ARFGEF3: variants seen among roughly 807,000 people sequenced by gnomAD.
The protein encoded by ARFGEF3 is brefeldin A-inhibited guanine nucleotide-exchange protein 3.
ARFGEF3 carries 96 observed loss-of-function variants against 221.7 expected under a neutral mutation model. That is an observed-to-expected ratio of 0.43 (90% CI 0.37 to 0.51). The LOEUF (loss-of-function observed/expected upper bound fraction) is 0.51. ARFGEF3 is among the 20% of genes least tolerant of loss of function. The pLI, the probability that ARFGEF3 is intolerant of heterozygous loss-of-function variation, is 0.00. For missense variants in ARFGEF3, 2,410 were observed against 2,789.9 expected, an observed-to-expected ratio of 0.86 and a Z score of 3.07; for synonymous variants, 1,145 against 1,126.8, an observed-to-expected ratio of 1.02 and a Z score of -0.32.
intron 33 of ARFGEF3, among the ~76,000 whole-genome samples, chr6:138,335,544 C>CAAA (rs113813772): frequency 7.9e-6 from 1 of 126,958 alleles, no homozygotes; most frequent in Non-Finnish European, 1.8e-5. Context: ...ATCATCTCTA[C>CAAA]AAAAAAAAAA....
At chr6:138,254,188 A>G (rs730921) in intron 9 of ARFGEF3, among the ~76,000 whole-genome samples, 34,476 of 151,888 alleles carry the variant, frequency 0.23, 6,406 homozygotes, top group African/African-American at 0.5. Flanking sequence ...AGGCCGAGGC[A>G]GGCATATTGC....
intron 23 of ARFGEF3, 64 bp downstream of exon 23, chr6:138,307,461 T>TA (rs34359396): frequency 0.053 from 64,159 of 1,204,762 alleles, 86 homozygotes; most frequent in South Asian, 0.06. Flanking sequence ...TTCATGCTAT[T>TA]AAAAAAAAAA....
chr6:138,193,297 T>C (rs1228815727), intron 2 of ARFGEF3, among the ~76,000 whole-genome samples: 2 of 152,222 alleles, frequency 1.3e-5, no homozygotes, highest in Non-Finnish European at 2.9e-5. Flanking sequence ...ATCACCTTTT[T>C]ATGAAGACAC....
At chr6:138,210,165 T>C (rs1416528925) in intron 4 of ARFGEF3, 124 bp downstream of exon 4, 2 of 926,826 alleles carry the variant, frequency 2.2e-6, no homozygotes, top group Non-Finnish European at 3.2e-6. Flanking sequence ...TTGGAACGGA[T>C]GCTTGTTATT....
chr6:138,247,195 C>T (rs1269395120), intron 8 of ARFGEF3, among the ~76,000 whole-genome samples: 1 of 152,110 alleles, frequency 6.6e-6, no homozygotes, highest in Non-Finnish European at 1.5e-5. Context: ...TAAATAGTTC[C>T]TGCTGTACCC....
intron 12 of ARFGEF3, among the ~76,000 whole-genome samples, chr6:138,267,349 C>A (rs1243372805): frequency 6.6e-6 from 1 of 152,092 alleles, no homozygotes; most frequent in Non-Finnish European, 1.5e-5. Context: ...CTCTTGAACC[C>A]AGGAGGCGGA....
chr6:138,299,198 TAAAAAAAAAAAAAA>T lies in ARFGEF3; in HGVS notation c.3828+426_3828+439del, dbSNP rs60475752. Among the ~76,000 whole-genome samples, 75 of 39,446 alleles carry T rather than the reference TAAAAAAAAAAAAAA, an allele frequency of 1.9e-3. 2 individuals are homozygous for T. Among genetic ancestry groups the T allele is most frequent in the African/African-American group, 4.3e-3 (67 of 15,618 alleles). The allele number at this position is 39,446 out of a possible 152,430, so 25.9% of individuals were successfully genotyped here. A position where few individuals can be genotyped will look rare whatever the true frequency, so the allele number is the denominator to read the frequency against. ...GCCTGAGTGACAGAGCGAGACTCTG[TAAAAAAAAAAAAAA>T]AAAAAAAAAAAACAGAAAAGTTAAG... On this transcript the variant is annotated intron_variant, in intron 22 of 33. Transcript: ENST00000251691.
intron 12 of ARFGEF3, among the ~76,000 whole-genome samples, chr6:138,266,578 G>C (rs6935184): frequency 6.6e-6 from 1 of 151,872 alleles, no homozygotes; most frequent in Non-Finnish European, 1.5e-5. Context: ...GGCTGGGTGC[G>C]GTGGCTCACA....
intron 15 of ARFGEF3, among the ~76,000 whole-genome samples, chr6:138,286,468 A>G (rs1261489186): frequency 1.3e-5 from 2 of 151,624 alleles, no homozygotes; most frequent in African/African-American, 4.8e-5. Context: ...AAAAAAAAAG[A>G]AAAAGAAAAA....
chr6:138,240,510 G>T (rs999648472), intron 6 of ARFGEF3, among the ~76,000 whole-genome samples: 1 of 152,166 alleles, frequency 6.6e-6, no homozygotes, highest in Non-Finnish European at 1.5e-5. Context: ...GTATGGCTGT[G>T]GAGGTGCAGG....
intron 28 of ARFGEF3, 96 bp downstream of exon 28, chr6:138,319,975 A>C: frequency 1.0e-6 from 1 of 979,292 alleles, no homozygotes; most frequent in African/African-American, 1.6e-5. Flanking sequence ...GCAAATACGA[A>C]TGCAGGGTTT....
chr6:138,311,152 C>T (rs958794085), intron 24 of ARFGEF3, among the ~76,000 whole-genome samples: 9 of 152,172 alleles, frequency 5.9e-5, no homozygotes, highest in Non-Finnish European at 4.4e-5. Flanking sequence ...GGGTGAGTTA[C>T]CAACCATATA....
rs551833594 is a variant in ARFGEF3, at chr6:138,344,030, A to G, written c.*7544A>G. On this transcript the variant is annotated 3_prime_UTR_variant, in exon 34 of 34. Coordinates refer to ENST00000251691, the MANE Select transcript of ARFGEF3 (RefSeq NM_020340.5). ...ATTGCCCTAATCATGCTAAGAGACT[A>G]TTATTCAATATGCTTTTCCCGCTTT... 2 of 152,300 alleles carry G rather than the reference A, an allele frequency of 1.3e-5. No individual in the cohort carries two copies. The highest frequency in any genetic ancestry group is 2.9e-5 in the Non-Finnish European group (2 of 68,032). The allele number at this position is 152,300 out of a possible 1,614,324, so 9.4% of individuals were successfully genotyped here. A position where few individuals can be genotyped will look rare whatever the true frequency, so the allele number is the denominator to read the frequency against.
intron 2 of ARFGEF3, among the ~76,000 whole-genome samples, chr6:138,174,115 A>G (rs1776892217): frequency 6.6e-6 from 1 of 152,152 alleles, no homozygotes; most frequent in Non-Finnish European, 1.5e-5. Context: ...AACAGAAAAC[A>G]TTGTGATGTG....
In ARFGEF3 at chr6:138,337,431, AT is replaced by A. The variant is rs1201125257; in HGVS notation, c.*947del. On this transcript the variant is annotated 3_prime_UTR_variant, in exon 34 of 34. Coordinates refer to ENST00000251691, the MANE Select transcript of ARFGEF3 (RefSeq NM_020340.5). ...CATTTGGTTTTTAAGAAAACAAAAC[AT>A]TAAGACGCAACTCATTTTATATCAA... 3.3e-5 allele frequency: 5 copies of A among 152,694 alleles called. No individual in the cohort carries two copies. Among genetic ancestry groups the A allele is most frequent in the Non-Finnish European group, 5.9e-5 (4 of 68,054 alleles). 9.5% of individuals were successfully genotyped at this position (152,694 alleles called of 1,614,324 possible).
chr6:138,217,849 A>C (rs1777900443), intron 4 of ARFGEF3: 1 of 1,243,624 alleles, frequency 8.0e-7, no homozygotes, highest in Admixed American at 3.0e-5. Flanking sequence ...AACCTCCTAC[A>C]TCATCAAATT....
chr6:138,262,187 CT>C (rs11393341), intron 11 of ARFGEF3, among the ~76,000 whole-genome samples: 2,601 of 127,876 alleles, frequency 0.02, 18 homozygotes, highest in African/African-American at 0.043. Context: ...ATGCAGACCA[CT>C]TTTTTTTTTT....
At position 138,296,703 on chromosome 6, in the gene ARFGEF3, T is replaced by C. The variant is rs1001732673; in HGVS notation, c.3503-107T>C. 1.1e-5 allele frequency: 15 copies of C among 1,335,210 alleles called. No individual in the cohort carries two copies. In the African/African-American group the frequency reaches 2.1e-4, roughly 18 times the overall value. The allele number at this position is 1,335,210 out of a possible 1,614,324, so 82.7% of individuals were successfully genotyped here. ...CCTCCCTTGGTTAGCCAATATCGAA[T>C]TACCCTACTGGTCCTACCTAGATTT... On this transcript the variant is annotated intron_variant, in intron 20 of 33. Transcript: ENST00000251691.
At chr6:138,255,373 C>G in intron 9 of ARFGEF3, 63 bp from the exon 10 acceptor site, 18 of 1,235,956 alleles carry the variant, frequency 1.5e-5, no homozygotes, top group South Asian at 2.9e-5. Context: ...TCTGTTTACT[C>G]GCAGAGTAAA....
Sources: gnomAD v4.1 joint callset for allele counts (sites outside exome capture counted in the v4.1 genomes callset) on GRCh38, gnomAD v4.1.1 for gene constraint, MANE v1.5 for transcripts, NCBI Gene and HGNC (gene_info 2026-07-23, HGNC 2026-07-21) for gene names.